The following LRP1B variants were observed in gnomAD, a reference collection of about 807,000 sequenced individuals.
The protein encoded by LRP1B is low-density lipoprotein receptor-related protein 1B.
LRP1B carries 217 observed loss-of-function variants against 556.6 expected under a neutral mutation model. That is an observed-to-expected ratio of 0.39 (90% CI 0.35 to 0.44). The LOEUF is 0.44. Ranked by LOEUF, LRP1B falls within the 20% of genes least tolerant of loss-of-function variation. The pLI is 1.00. For missense variants in LRP1B, 5,053 were observed against 5,620.8 expected, an observed-to-expected ratio of 0.90 and a Z score of 3.23; for synonymous variants, 2,047 against 1,865.8, an observed-to-expected ratio of 1.10 and a Z score of -2.50.
At chr2:141,843,108 AG>A (rs1298559587) in intron 1 of LRP1B, among the ~76,000 whole-genome samples, 3 of 152,058 alleles carry the variant, frequency 2.0e-5, no homozygotes, top group East Asian at 1.9e-4. Flanking sequence ...CTCTTGAAAA[AG>A]CTCCTTAAAC....
intron 7 of LRP1B, among the ~76,000 whole-genome samples, chr2:141,144,568 C>G (rs1342351872): frequency 6.6e-6 from 1 of 152,152 alleles, no homozygotes; most frequent in Non-Finnish European, 1.5e-5. Context: ...TACTACTTCT[C>G]ATATGAATGA....
rs1683174663 is a variant in LRP1B, at chr2:140,286,914, C to A, written c.12967+10894G>T. 2.6e-5 allele frequency among the ~76,000 whole-genome samples: 4 copies of A among 151,634 alleles called. No individual in the cohort carries two copies. In the South Asian group the frequency reaches 8.3e-4, roughly 31 times the overall value. ...TATAGATTATCGCACTTTAAACTTA[C>A]AATTTTAGGAAATATTAACTTTTTT... On this transcript the variant is annotated intron_variant, in intron 84 of 90. Transcript: ENST00000389484.
chr2:141,041,700 G>A (rs1359788989), intron 11 of LRP1B, among the ~76,000 whole-genome samples: 1 of 151,972 alleles, frequency 6.6e-6, no homozygotes, highest in Non-Finnish European at 1.5e-5. Flanking sequence ...ACACTAATTT[G>A]GTGTACGTTT....
chr2:140,456,630 A>G, intron 61 of LRP1B, 27 bp from the exon 62 acceptor site: 1 of 1,594,938 alleles, frequency 6.3e-7, no homozygotes, highest in Non-Finnish European at 8.6e-7. Context: ...AACAACAACA[A>G]CAAAACAGGA....
intron 62 of LRP1B, among the ~76,000 whole-genome samples, chr2:140,453,866 C>T (rs1050070011): frequency 7.2e-5 from 11 of 151,934 alleles, no homozygotes; most frequent in African/African-American, 2.4e-4. Flanking sequence ...AATCAAAATC[C>T]CTAAGTAAGA....
intron 29 of LRP1B, among the ~76,000 whole-genome samples, chr2:140,844,635 A>G (rs1692221174): frequency 6.6e-6 from 1 of 152,332 alleles, no homozygotes; most frequent in Admixed American, 6.5e-5. Flanking sequence ...TAAGTAAATC[A>G]GAACAAGATC....
chr2:140,676,219 A>G (rs1685666768), intron 41 of LRP1B, among the ~76,000 whole-genome samples: 1 of 152,212 alleles, frequency 6.6e-6, no homozygotes, highest in African/African-American at 2.4e-5. Context: ...AAAGCGCAAG[A>G]GTACAATTTG....
At chr2:141,810,153 G>GAAAGAAGT (rs1696305756) in intron 2 of LRP1B, 126 bp downstream of exon 2, 9 of 436,744 alleles carry the variant, frequency 2.1e-5, no homozygotes, top group Admixed American at 5.6e-5. Flanking sequence ...AAGAAAGAAA[G>GAAAGAAGT]AAAGAAAGAA....
At chr2:142,077,989 A>C (rs1447862595) in intron 1 of LRP1B, among the ~76,000 whole-genome samples, 1 of 152,154 alleles carries the variant, frequency 6.6e-6, no homozygotes, top group Non-Finnish European at 1.5e-5. Flanking sequence ...AATGCACACA[A>C]TGTTCACTGT....
At chr2:142,019,795 A>G (rs950643336) in intron 1 of LRP1B, among the ~76,000 whole-genome samples, 2 of 152,026 alleles carry the variant, frequency 1.3e-5, no homozygotes, top group Non-Finnish European at 2.9e-5. Context: ...CCACATTCCC[A>G]TCTCAGGACC....
chr2:140,279,125 GC>G (rs1166923416), intron 84 of LRP1B, among the ~76,000 whole-genome samples: 8 of 151,616 alleles, frequency 5.3e-5, no homozygotes, highest in African/African-American at 1.9e-4. Flanking sequence ...TGTCTTAAAG[GC>G]TTTACTATTT....
chr2:141,183,248 T>C (rs1681088530), intron 7 of LRP1B, among the ~76,000 whole-genome samples: 1 of 151,994 alleles, frequency 6.6e-6, no homozygotes, highest in Non-Finnish European at 1.5e-5. Flanking sequence ...CTAACAGAAG[T>C]AGAAAACCTG....
At chr2:141,403,864 T>C (rs1046200400) in intron 3 of LRP1B, among the ~76,000 whole-genome samples, 11 of 152,170 alleles carry the variant, frequency 7.2e-5, no homozygotes, top group African/African-American at 2.7e-4. Flanking sequence ...GGCCAGTCGC[T>C]CCCCTGAGGT....
At chr2:140,284,960 ATCTATC>A (rs1683075955) in intron 84 of LRP1B, among the ~76,000 whole-genome samples, 1 of 150,658 alleles carries the variant, frequency 6.6e-6, no homozygotes, top group South Asian at 2.1e-4. Flanking sequence ...ATAACTAGAT[ATCTATC>A]TCTATATGTA....
chr2:141,212,406 G>T (rs1234688005), intron 6 of LRP1B, among the ~76,000 whole-genome samples: 1 of 150,108 alleles, frequency 6.7e-6, no homozygotes, highest in African/African-American at 2.5e-5. Flanking sequence ...AGCCTCCCAA[G>T]TAGCTGGGAC....
At position 141,057,214 on chromosome 2, in the gene LRP1B, G is replaced by A. The variant is rs375417791; in HGVS notation, c.1408+1669C>T. On this transcript the variant is annotated intron_variant, in intron 9 of 90. Coordinates refer to ENST00000389484, the MANE Select transcript of LRP1B (RefSeq NM_018557.3). ...GATTTTTCTGTTTAATGCTTTCTAAGGACTTCCCATCTCACTAAAAGTATA... is the reference window on the plus strand; with the variant it reads ...GATTTTTCTGTTTAATGCTTTCTAAAGACTTCCCATCTCACTAAAAGTATA... Among the ~76,000 whole-genome samples the A allele has an allele frequency of 1.1e-3, 167 of 151,892 alleles. 1 individual carries two copies. The highest frequency in any genetic ancestry group is 1.3e-3 in the Non-Finnish European group (91 of 67,894).
intron 2 of LRP1B, among the ~76,000 whole-genome samples, chr2:141,756,022 T>C (rs1327099771): frequency 6.6e-6 from 1 of 152,026 alleles, no homozygotes; most frequent in Non-Finnish European, 1.5e-5. Context: ...GTATATGACA[T>C]TTAAATTTTT....
chr2:141,992,985 A>G (rs2105118918), intron 1 of LRP1B, among the ~76,000 whole-genome samples: 1 of 152,264 alleles, frequency 6.6e-6, no homozygotes, highest in East Asian at 1.9e-4. Context: ...TTCCAGGCAA[A>G]TTAAATTTGC....
intron 2 of LRP1B, among the ~76,000 whole-genome samples, chr2:141,710,220 C>T (rs926284892): frequency 6.8e-5 from 10 of 146,020 alleles, no homozygotes; most frequent in South Asian, 2.1e-4. Flanking sequence ...ACTATCACAA[C>T]CCTCCTTTAC....
Sources: allele counts gnomAD v4.1 joint callset (sites outside exome capture counted in the v4.1 genomes callset), GRCh38; gene constraint gnomAD v4.1.1; transcripts MANE v1.5; gene names NCBI Gene and HGNC (gene_info 2026-07-23, HGNC 2026-07-21).